CA5A: variants seen among roughly 807,000 people sequenced by gnomAD.
CA5A encodes carbonic anhydrase 5A.
Under a neutral mutation model 37.1 loss-of-function variants are expected in CA5A, and 28 were observed. The ratio of observed to expected loss-of-function variants is 0.75; its 90% CI spans 0.56 to 1.03. CA5A has a LOEUF of 1.03. CA5A is among the 50% of genes least tolerant of loss of function. The pLI, the probability that CA5A is intolerant of heterozygous loss-of-function variation, is 0.00. For missense variants in CA5A, 444 were observed against 399.9 expected (o/e 1.11, Z -0.94); for synonymous variants, 171 against 158.4 (o/e 1.08, Z -0.60).
rs764777135 is a variant in CA5A at position 87,936,385 on chromosome 16, A to C, written c.66T>G (p.Pro22=). The C allele has an allele frequency of 1.9e-5, 31 of 1,613,902 alleles. No homozygotes were observed. In the East Asian group the frequency reaches 6.5e-4, roughly 34 times the overall value. Residue 22 remains proline, a synonymous_variant, in exon 1 of 7, where the codon CCT becomes CCG. Coordinates refer to ENST00000649794, the MANE Select transcript of CA5A (RefSeq NM_001739.2). The part of the protein sequence containing the change: ...FSFLVEQMWA[P]LWSRSMRPGR... ...CTGGCCTCATCGAACGACTCCAGAGAGGGGCCCACATCTGCTCAACCAAGA... is the reference window on the plus strand; with the variant it reads ...CTGGCCTCATCGAACGACTCCAGAGCGGGGCCCACATCTGCTCAACCAAGA...
rs1284638062 is a variant in CA5A, at chr16:87,936,460, G to C, written c.-10C>G. 1 of 1,613,518 alleles carries C rather than the reference G, an allele frequency of 6.2e-7. No homozygotes were observed. On this transcript the variant is annotated 5_prime_UTR_variant, in exon 1 of 7. Transcript: ENST00000649794. ...TGTTCCTCCCCAACATCTTGGGTCT[G>C]TTCCCACTGACTCCAGTCTGAAGAG... is the stretch of plus-strand genomic sequence containing the variant.
chr16:87,920,991 C>T (rs1182111477), intron 2 of CA5A, among the ~76,000 whole-genome samples: 1 of 151,886 alleles, frequency 6.6e-6, no homozygotes, highest in African/African-American at 2.4e-5. Flanking sequence ...TGGGGTTTCT[C>T]CATGTTGGTC....
intron 3 of CA5A, among the ~76,000 whole-genome samples, chr16:87,904,295 T>A (rs1461687213): frequency 6.6e-6 from 1 of 151,674 alleles, no homozygotes; most frequent in Non-Finnish European, 1.5e-5. Context: ...TGAGCCAAGA[T>A]TGCACCAATG....
chr16:87,905,163 G>A (rs1339143444), intron 2 of CA5A, among the ~76,000 whole-genome samples: 1 of 152,044 alleles, frequency 6.6e-6, no homozygotes, highest in Admixed American at 6.6e-5. Flanking sequence ...TGCTGCCACT[G>A]GGTGGTGGTG....
intron 5 of CA5A, among the ~76,000 whole-genome samples, chr16:87,896,923 A>T (rs921019090): frequency 6.6e-6 from 1 of 152,256 alleles, no homozygotes; most frequent in Non-Finnish European, 1.5e-5. Context: ...TATAGGCGTG[A>T]GCCACGCTCT....
intron 2 of CA5A, among the ~76,000 whole-genome samples, chr16:87,922,791 T>C (rs1159673796): frequency 6.6e-6 from 1 of 152,266 alleles, no homozygotes; most frequent in Admixed American, 6.5e-5. Flanking sequence ...CTGCTGGATT[T>C]TGTGAATGTT....
At chr16:87,923,607 G>C (rs758131469) in intron 2 of CA5A, 1 of 985,322 alleles carries the variant, frequency 1.0e-6, no homozygotes, top group African/African-American at 1.7e-5. Flanking sequence ...CATTAGCCGG[G>C]TGCCTGATGC....
At chr16:87,893,284 C>G (rs372225560) in intron 5 of CA5A, 1 of 368,270 alleles carries the variant, frequency 2.7e-6, no homozygotes, top group Non-Finnish European at 5.1e-6. Context: ...CACGCCATCG[C>G]GACCAGCTAA....
At chr16:87,907,353 G>C (rs1174251643) in intron 2 of CA5A, among the ~76,000 whole-genome samples, 1 of 152,140 alleles carries the variant, frequency 6.6e-6, no homozygotes, top group Non-Finnish European at 1.5e-5. Flanking sequence ...GGGGAAAGGG[G>C]GTTTGCAGCC....
intron 2 of CA5A, chr16:87,923,971 T>C (rs900688383): frequency 1.3e-5 from 13 of 984,884 alleles, no homozygotes; most frequent in Non-Finnish European, 1.6e-5. Context: ...TTAAATAATA[T>C]AACCACATTA....
At chr16:87,927,547 AAAGT>A (rs1465008637) in intron 1 of CA5A, among the ~76,000 whole-genome samples, 3 of 152,144 alleles carry the variant, frequency 2.0e-5, no homozygotes. Context: ...TGTCATTTTT[AAAGT>A]AAGAGCCATT....
At chr16:87,891,276 TG>T (rs1464255708) in intron 6 of CA5A, among the ~76,000 whole-genome samples, 1 of 151,556 alleles carries the variant, frequency 6.6e-6, no homozygotes, top group Non-Finnish European at 1.5e-5. Flanking sequence ...AAGACCAGCC[TG>T]GCCAACATGG....
chr16:87,920,011 C>T (rs1289134532), intron 2 of CA5A, among the ~76,000 whole-genome samples: 3 of 152,196 alleles, frequency 2.0e-5, no homozygotes, highest in African/African-American at 7.2e-5. Context: ...ACCAGCATTC[C>T]CCATCCATGG....
intron 2 of CA5A, chr16:87,924,113 G>C (rs1212781530): frequency 1.0e-6 from 1 of 985,300 alleles, no homozygotes; most frequent in African/African-American, 1.7e-5. Context: ...AAGCTGGCCT[G>C]GTTTGTGCCT....
intron 2 of CA5A, among the ~76,000 whole-genome samples, chr16:87,917,708 CACACATGAACACGTGCACA>C (rs2056170066): frequency 1.6e-5 from 1 of 62,750 alleles, no homozygotes; most frequent in Non-Finnish European, 5.1e-5. Flanking sequence ...CACACGAACA[CACACATGAACACGTGCACA>C]CACACATGAA....
intron 6 of CA5A, among the ~76,000 whole-genome samples, chr16:87,889,806 CTTT>C (rs1172413977): frequency 6.6e-6 from 1 of 152,142 alleles, no homozygotes; most frequent in Admixed American, 6.5e-5. Context: ...TAAAAAAAGA[CTTT>C]TTATGTATTA....
Position 87,935,617 on chromosome 16 carries a change from T to A in CA5A, c.142+692A>T, listed in dbSNP as rs865968324. 2.7e-4 allele frequency among the ~76,000 whole-genome samples: 41 copies of A among 152,220 alleles called. 1 individual carries two copies. Among genetic ancestry groups the A allele is most frequent in the Admixed American group, 3.9e-4 (6 of 15,274 alleles). ...GTGGCCAGGCGCGGTGGCTCACGCC[T>A]GTAATCCTAGCACTTTGGGAGGCCA... On this transcript the variant is annotated intron_variant, in intron 1 of 6. Transcript: ENST00000649794.
intron 5 of CA5A, among the ~76,000 whole-genome samples, chr16:87,897,247 T>A (rs1243048977): frequency 6.6e-6 from 1 of 152,286 alleles, no homozygotes; most frequent in East Asian, 1.9e-4. Context: ...TAGCTCTGAC[T>A]GTTGCGAAGG....
At chr16:87,898,510 G>A (rs2055833325) in intron 5 of CA5A, among the ~76,000 whole-genome samples, 1 of 152,194 alleles carries the variant, frequency 6.6e-6, no homozygotes, top group South Asian at 2.1e-4. Flanking sequence ...GGAATCACCT[G>A]ACAGAAAGCA....
Sources: allele counts gnomAD v4.1 joint callset (sites outside exome capture counted in the v4.1 genomes callset), GRCh38; gene constraint gnomAD v4.1.1; transcripts MANE v1.5; gene names NCBI Gene and HGNC (gene_info 2026-07-23, HGNC 2026-07-21).